Variants in PDE3A observed in about 807,000 individuals in gnomAD.
The protein encoded by PDE3A is cGMP-inhibited 3',5'-cyclic phosphodiesterase 3A.
In PDE3A, 43 loss-of-function variants were observed where a neutral mutation model predicts 98.3. The ratio of observed to expected loss-of-function variants is 0.44; its 90% CI spans 0.34 to 0.56. PDE3A has a LOEUF of 0.56. Among genes scored for constraint, PDE3A ranks in the 20% least tolerant of loss-of-function variants. The pLI, the probability that PDE3A is intolerant of heterozygous loss-of-function variation, is 0.01. For missense variants in PDE3A, 1,427 were observed against 1,440.7 expected (o/e 0.99, Z 0.15); for synonymous variants, 663 against 567.9 (o/e 1.17, Z -2.38).
chr12:20,598,243 C>A (rs1020738078), intron 2 of PDE3A, among the ~76,000 whole-genome samples: 1 of 151,618 alleles, frequency 6.6e-6, no homozygotes, highest in Non-Finnish European at 1.5e-5. Context: ...AGTGCAATGG[C>A]GCGATCTCAG....
intron 1 of PDE3A, among the ~76,000 whole-genome samples, chr12:20,544,576 G>A (rs749953434): frequency 1.3e-5 from 2 of 151,816 alleles, no homozygotes; most frequent in Non-Finnish European, 2.9e-5. Flanking sequence ...ATATACTTCA[G>A]TACGAAGGAC....
intron 2 of PDE3A, among the ~76,000 whole-genome samples, chr12:20,593,838 C>A (rs773098353): frequency 2.2e-4 from 34 of 151,982 alleles, no homozygotes; most frequent in Non-Finnish European, 4.1e-4. Flanking sequence ...TTAGCGGGTA[C>A]TGTATTCATT....
rs575152960 is a variant in PDE3A at position 20,513,824 on chromosome 12, G to A, written c.961-42836G>A. ...TTTCAGTCAATTTATCAGTCAGTAG[G>A]ACTTTAAATGATGCCATTAAATGAG... On this transcript the variant is annotated intron_variant, in intron 1 of 15. Transcript: ENST00000359062. Among the ~76,000 whole-genome samples the A allele has an allele frequency of 4.6e-5, 7 of 152,242 alleles. No homozygotes were observed. In the East Asian group the frequency reaches 1.4e-3, roughly 29 times the overall value.
At chr12:20,677,694 C>T (rs1270436082) in intron 15 of PDE3A, among the ~76,000 whole-genome samples, 1 of 152,114 alleles carries the variant, frequency 6.6e-6, no homozygotes, top group African/African-American at 2.4e-5. Flanking sequence ...CTCCAGACCT[C>T]GTGATCTGCC....
intron 1 of PDE3A, among the ~76,000 whole-genome samples, chr12:20,441,298 A>T (rs1233378945): frequency 1.3e-5 from 2 of 152,164 alleles, no homozygotes; most frequent in African/African-American, 2.4e-5. Context: ...CGTGGAGCAG[A>T]TAGTCATTGA....
At position 20,449,911 on chromosome 12, in the gene PDE3A, G is replaced by A. The variant is rs1945033756; in HGVS notation, c.960+79667G>A. On this transcript the variant is annotated intron_variant, in intron 1 of 15. Transcript: ENST00000359062. ...AAGTGTGCTCTTCGGTGGTTTGAAT[G>A]GGAACTCTGCTGGAAAGTTGATTTC... The A allele has an allele frequency of 3.7e-6, 3 of 804,296 alleles. No individual in the cohort carries two copies. The Admixed American group carries it at 7.4e-5, about 20-fold the overall frequency. The allele number at this position is 804,296 out of a possible 1,614,324, so 49.8% of individuals were successfully genotyped here. A position where few individuals can be genotyped will look rare whatever the true frequency, so the allele number is the denominator to read the frequency against.
chr12:20,668,489 C>A (rs1360297214), intron 15 of PDE3A, among the ~76,000 whole-genome samples: 2 of 152,284 alleles, frequency 1.3e-5, no homozygotes, highest in East Asian at 3.9e-4. Flanking sequence ...TCCCAGCATG[C>A]AGCTGGAGAT....
intron 15 of PDE3A, among the ~76,000 whole-genome samples, chr12:20,662,161 T>G (rs753283275): frequency 2.6e-5 from 4 of 152,136 alleles, no homozygotes; most frequent in African/African-American, 4.8e-5. Context: ...TGCCCGGTCT[T>G]GGGTATGTCT....
chr12:20,571,170 A>C (rs1300230872), intron 2 of PDE3A, among the ~76,000 whole-genome samples: 1 of 152,150 alleles, frequency 6.6e-6, no homozygotes, highest in Non-Finnish European at 1.5e-5. Context: ...TTGTTCATCC[A>C]TGAATTGTGG....
chr12:20,508,620 C>T (rs1036423130), intron 1 of PDE3A, among the ~76,000 whole-genome samples: 5 of 151,836 alleles, frequency 3.3e-5, no homozygotes, highest in Non-Finnish European at 2.9e-5. Flanking sequence ...CCTTTAAAGT[C>T]GGCAGTTTGA....
At chr12:20,584,417 C>T (rs904503080) in intron 2 of PDE3A, among the ~76,000 whole-genome samples, 16 of 152,120 alleles carry the variant, frequency 1.1e-4, no homozygotes, top group Non-Finnish European at 1.9e-4. Context: ...TATAAGTCTC[C>T]TACCTCCAGA....
chr12:20,391,200 A>G (rs921143043), intron 1 of PDE3A, among the ~76,000 whole-genome samples: 3 of 151,804 alleles, frequency 2.0e-5, no homozygotes, highest in African/African-American at 7.3e-5. Context: ...TTGTAAAATT[A>G]TCAGGTTGAG....
chr12:20,500,768 C>CT (rs61218707), intron 1 of PDE3A, among the ~76,000 whole-genome samples: 2,719 of 133,344 alleles, frequency 0.02, 81 homozygotes, highest in African/African-American at 0.064. Flanking sequence ...TTCTTTCTTT[C>CT]TTTTTTTTTT....
chr12:20,538,654 G>A (rs939234552), intron 1 of PDE3A, among the ~76,000 whole-genome samples: 73 of 152,272 alleles, frequency 4.8e-4, no homozygotes, highest in African/African-American at 1.5e-3. Flanking sequence ...AATTCTGAGA[G>A]TGAAGAGCTA....
chr12:20,598,336 C>T lies in PDE3A; in HGVS notation c.1012-15107C>T, dbSNP rs530308009. ...TAGCTGGGATTACAGGCTCCCACCA[C>T]CACGCCCGGCTAATTTTTTGTATTT... On this transcript the variant is annotated intron_variant, in intron 2 of 15. Coordinates refer to ENST00000359062, the MANE Select transcript of PDE3A (RefSeq NM_000921.5). Among the ~76,000 whole-genome samples, 14 of 152,134 alleles carry T rather than the reference C, an allele frequency of 9.2e-5. No homozygotes were observed. In the East Asian group the frequency reaches 2.3e-3, roughly 25 times the overall value.
At chr12:20,579,817 T>C (rs1943023004) in intron 2 of PDE3A, among the ~76,000 whole-genome samples, 1 of 152,138 alleles carries the variant, frequency 6.6e-6, no homozygotes, top group Admixed American at 6.5e-5. Flanking sequence ...CAAAGGTTCT[T>C]AGGCTCAATC....
At chr12:20,614,844 T>C (rs1943960383) in intron 3 of PDE3A, among the ~76,000 whole-genome samples, 1 of 152,264 alleles carries the variant, frequency 6.6e-6, no homozygotes, top group Admixed American at 6.5e-5. Flanking sequence ...TTACCTTCTT[T>C]GGAAGAGCAG....
intron 2 of PDE3A, among the ~76,000 whole-genome samples, chr12:20,587,060 C>T (rs1025372532): frequency 6.6e-6 from 1 of 152,042 alleles, no homozygotes. Context: ...TGACAGTAGG[C>T]AATAAATAAC....
At position 20,680,171 on chromosome 12, in the gene PDE3A, A is replaced by T; in HGVS notation, c.3326A>T (p.Gln1109Leu). Residue 1109 changes from glutamine to leucine, a missense_variant, in exon 16 of 16, where the codon CAG (glutamine) becomes CTG (leucine). Physicochemically the swap from Gln to Leu is moderately radical, Grantham distance 113 (BLOSUM62 -2). Around this residue, in one of 3 missense-constraint regions of PDE3A, gnomAD observed 142 missense variants for 133.9 expected, o/e 1.06. Coordinates refer to ENST00000359062, the MANE Select transcript of PDE3A (RefSeq NM_000921.5). ...AATCAATCCCTGGACCAGACCCCTC[A>T]GTCGCACTCTTCAGAACAGATCCAG... is the stretch of plus-strand genomic sequence containing the variant. The part of the protein sequence containing the change: ...IENQSLDQTP[Q>L]SHSSEQIQAI... 2 of 1,613,950 alleles carry T rather than the reference A, an allele frequency of 1.2e-6. No homozygotes were observed. Among genetic ancestry groups the T allele is most frequent in the Non-Finnish European group, 1.7e-6 (2 of 1,179,872 alleles).
Sources: allele counts gnomAD v4.1 joint callset (sites outside exome capture counted in the v4.1 genomes callset), GRCh38; gene constraint gnomAD v4.1.1; regional missense constraint gnomAD v4.1.1; transcripts MANE v1.5; gene names NCBI Gene and HGNC (gene_info 2026-07-23, HGNC 2026-07-21).